The following TMEM178A variants were observed in gnomAD, a reference collection of about 807,000 sequenced individuals.
TMEM178A encodes the protein transmembrane protein 178A, also known as transmembrane protein 178.
TMEM178A carries 12 observed loss-of-function variants against 29.1 expected under a neutral mutation model. The ratio of observed to expected loss-of-function variants is 0.41; its 90% CI spans 0.26 to 0.67. The LOEUF (loss-of-function observed/expected upper bound fraction) is 0.67, where lower values mean the gene tolerates loss of function less well. Ranked by LOEUF, TMEM178A falls within the 30% of genes least tolerant of loss-of-function variation. The pLI is 0.29. For missense variants in TMEM178A, 366 were observed against 419.1 expected, an observed-to-expected ratio of 0.87 and a Z score of 1.11; for synonymous variants, 210 against 187.2, an observed-to-expected ratio of 1.12 and a Z score of -0.99.
At chr2:39,703,175 T>C (rs183537297) in intron 1 of TMEM178A, among the ~76,000 whole-genome samples, 2 of 152,318 alleles carry the variant, frequency 1.3e-5, no homozygotes, top group Admixed American at 1.3e-4. Flanking sequence ...CGCTCATGCC[T>C]TTAAAAAAAT....
Position 39,666,334 on chromosome 2 carries a change from C to A in TMEM178A, c.360C>A (p.Phe120Leu), listed in dbSNP as rs866283035. 4.8e-6 allele frequency: 7 copies of A among 1,450,956 alleles called. No individual in the cohort carries two copies. The highest frequency in any genetic ancestry group is 6.4e-6 in the Non-Finnish European group (7 of 1,101,592). 89.9% of individuals were successfully genotyped at this position (1,450,956 alleles called of 1,614,324 possible). A position where few individuals can be genotyped will look rare whatever the true frequency, so the allele number is the denominator to read the frequency against. Residue 120 changes from phenylalanine (F) to leucine (L), a missense_variant, in exon 1 of 4, where the codon TTC (phenylalanine) becomes TTA (leucine). By Grantham distance (22) the Phe-to-Leu change is conservative (BLOSUM62 0). Coordinates refer to ENST00000281961, the MANE Select transcript of TMEM178A (RefSeq NM_152390.3). ...CGGGCCTCTGGAGGAAGTGCTACTT[C>A]CTGGGCATCGACCGGGACATCGACA... ...TYSGLWRKCY[F>L]LGIDRDIDTL... is the part of the protein sequence containing the mutation.
intron 1 of TMEM178A, among the ~76,000 whole-genome samples, chr2:39,666,746 C>G (rs1240830407): frequency 1.3e-5 from 2 of 152,208 alleles, no homozygotes; most frequent in Non-Finnish European, 2.9e-5. Flanking sequence ...ACGCTGCTCC[C>G]CGTGAGGGGG....
chr2:39,671,180 GA>G (rs1255860339), intron 1 of TMEM178A, among the ~76,000 whole-genome samples: 2 of 152,120 alleles, frequency 1.3e-5, no homozygotes, highest in African/African-American at 4.8e-5. Context: ...TTCTCTATAA[GA>G]AAAGCAAAGT....
At chr2:39,710,722 T>A (rs1458186450) in intron 3 of TMEM178A, among the ~76,000 whole-genome samples, 1 of 152,252 alleles carries the variant, frequency 6.6e-6, no homozygotes, top group East Asian at 1.9e-4. Context: ...GAATCGATTT[T>A]AATTAAGCAG....
chr2:39,665,595 A>C, upstream of TMEM178A: 1 of 179,634 alleles, frequency 5.6e-6, no homozygotes, highest in Non-Finnish European at 1.1e-5. Context: ...AGAGATTAAA[A>C]GGGGAAGGGG....
intron 1 of TMEM178A, among the ~76,000 whole-genome samples, chr2:39,678,886 A>T (rs879301813): frequency 6.6e-6 from 1 of 152,278 alleles, no homozygotes. Context: ...GCACTTTCGT[A>T]TCTCTGTGTC....
chr2:39,734,245 G>A, the TMEM178A span, among the ~76,000 whole-genome samples: 2 of 152,154 alleles, frequency 1.3e-5, no homozygotes, highest in Non-Finnish European at 2.9e-5. Flanking sequence ...TAAAGCCAAT[G>A]GTCAATTTCC....
chr2:39,726,371 T>G, the TMEM178A span, among the ~76,000 whole-genome samples: 1 of 152,044 alleles, frequency 6.6e-6, no homozygotes, highest in Non-Finnish European at 1.5e-5. Flanking sequence ...AGGCCTGGGA[T>G]GGGAACAAGC....
chr2:39,703,753 T>G (rs926102328), intron 1 of TMEM178A, among the ~76,000 whole-genome samples: 1 of 152,232 alleles, frequency 6.6e-6, no homozygotes, highest in African/African-American at 2.4e-5. Flanking sequence ...GTGATTTATC[T>G]GTGCTAATTT....
chr2:39,727,165 G>A, the TMEM178A span, among the ~76,000 whole-genome samples: 16 of 152,120 alleles, frequency 1.1e-4, no homozygotes, highest in African/African-American at 3.9e-4. Flanking sequence ...CAGAAGCCCG[G>A]ACTTCTGGCT....
chr2:39,668,223 A>G (rs779749569), intron 1 of TMEM178A, among the ~76,000 whole-genome samples: 5 of 152,212 alleles, frequency 3.3e-5, no homozygotes, highest in Non-Finnish European at 7.3e-5. Context: ...TTGAACATCT[A>G]CTGGTTGTTC....
chr2:39,687,702 C>G (rs1336403694), intron 1 of TMEM178A, among the ~76,000 whole-genome samples: 1 of 152,182 alleles, frequency 6.6e-6, no homozygotes, highest in East Asian at 1.9e-4. Flanking sequence ...TAGAAGGCAG[C>G]ATCAAGGTAT....
chr2:39,715,222 G>A (rs913797345), intron 3 of TMEM178A, among the ~76,000 whole-genome samples: 5 of 152,220 alleles, frequency 3.3e-5, no homozygotes, highest in Non-Finnish European at 7.3e-5. Context: ...TAGGCATTCA[G>A]CTATGTGCAA....
chr2:39,698,744 C>A (rs1558457264), intron 1 of TMEM178A, among the ~76,000 whole-genome samples: 1 of 148,944 alleles, frequency 6.7e-6, no homozygotes, highest in Non-Finnish European at 1.5e-5. Context: ...GTTAATTCTT[C>A]CTTAAACATT....
At chr2:39,724,980 T>C in the TMEM178A span, among the ~76,000 whole-genome samples, 8 of 152,258 alleles carry the variant, frequency 5.3e-5, no homozygotes, top group Admixed American at 2.6e-4. Flanking sequence ...TTAAACCAAC[T>C]GTGAAAGGTA....
At chr2:39,735,006 TCTTTACTTTCACC>T in the TMEM178A span, among the ~76,000 whole-genome samples, 1 of 152,202 alleles carries the variant, frequency 6.6e-6, no homozygotes, top group African/African-American at 2.4e-5. Flanking sequence ...CCAGCTGATC[TCTTTACTTTCACC>T]CTTCTCTTCC....
At chr2:39,710,443 T>C (rs949772766) in intron 3 of TMEM178A, among the ~76,000 whole-genome samples, 2 of 151,718 alleles carry the variant, frequency 1.3e-5, no homozygotes, top group Non-Finnish European at 2.9e-5. Flanking sequence ...TGCTTCACTG[T>C]AAAAAAACAA....
chr2:39,686,962 CATGTGTGTGTGT>C (rs1197588753), intron 1 of TMEM178A, among the ~76,000 whole-genome samples: 48 of 100,502 alleles, frequency 4.8e-4, no homozygotes, highest in African/African-American at 1.8e-3. Context: ...TGCACATATG[CATGTGTGTGTGT>C]GTGTGTGTGT....
At chr2:39,707,265 T>A (rs1437623925) in intron 3 of TMEM178A, 79 bp downstream of exon 3, 7 of 1,463,542 alleles carry the variant, frequency 4.8e-6, no homozygotes. Flanking sequence ...GTCGCTTTGT[T>A]ATCTCCCTGT....
Sources: gnomAD v4.1 joint callset for allele counts (sites outside exome capture counted in the v4.1 genomes callset) on GRCh38, gnomAD v4.1.1 for gene constraint, MANE v1.5 for transcripts, NCBI Gene and HGNC (gene_info 2026-07-23, HGNC 2026-07-21) for gene names.